SLIT2: variants seen among roughly 807,000 people sequenced by gnomAD.
The protein encoded by SLIT2 is slit guidance ligand 2.
In SLIT2, 41 loss-of-function variants were observed where a neutral mutation model predicts 185.7. The ratio of observed to expected loss-of-function variants is 0.22; its 90% confidence interval spans 0.17 to 0.29. The LOEUF (loss-of-function observed/expected upper bound fraction) is 0.29. Ranked by LOEUF, SLIT2 falls within the 10% of genes least tolerant of loss-of-function variation. SLIT2 has a pLI of 1.00. For synonymous variants in SLIT2, 693 were observed against 680.2 expected, an observed-to-expected ratio of 1.02 and a Z score of -0.29; for missense variants, 1,571 against 1,909.0, an observed-to-expected ratio of 0.82 and a Z score of 3.30.
intron 4 of SLIT2, among the ~76,000 whole-genome samples, chr4:20,441,519 G>GTC (rs376556054): frequency 0.033 from 3,593 of 107,944 alleles, 65 homozygotes; most frequent in Middle Eastern, 0.061. Flanking sequence ...CCCCACTTCT[G>GTC]TCTCTCTCTC....
chr4:20,581,214 C>T (rs1055767947), intron 29 of SLIT2, among the ~76,000 whole-genome samples: 3 of 152,130 alleles, frequency 2.0e-5, no homozygotes, highest in African/African-American at 7.2e-5. Flanking sequence ...TTGGCTTCTC[C>T]CTGTTTTTCA....
At chr4:20,355,484 A>T (rs1285004091) in intron 4 of SLIT2, among the ~76,000 whole-genome samples, 4 of 152,144 alleles carry the variant, frequency 2.6e-5, no homozygotes, top group African/African-American at 9.7e-5. Flanking sequence ...TATTCTCCTT[A>T]TTGTTTTCCA....
chr4:20,309,997 G>A (rs376513307), intron 4 of SLIT2, among the ~76,000 whole-genome samples: 57 of 152,024 alleles, frequency 3.7e-4, no homozygotes, highest in Middle Eastern at 3.4e-3. Flanking sequence ...TCCTGACCTC[G>A]TGATCTGCCC....
At position 20,472,540 on chromosome 4, in the gene SLIT2, C is replaced by CA. The variant is rs576120139; in HGVS notation, c.467+4717_467+4718insA. On this transcript the variant is annotated intron_variant, in intron 5 of 36. Coordinates refer to ENST00000504154, the MANE Select transcript of SLIT2 (RefSeq NM_004787.4). Reference sequence around the variant, plus strand: ...GATATATATCTATATATAGATATATCTATATCTATATATAGATATATATCT... The same window carrying CA: ...GATATATATCTATATATAGATATATCATATATCTATATATAGATATATATCT... Among the ~76,000 whole-genome samples, 4 of 9,494 alleles carry CA rather than the reference C, an allele frequency of 4.2e-4. 2 individuals carry two copies. Among genetic ancestry groups the CA allele is most frequent in the African/African-American group, 2.7e-3 (4 of 1,492 alleles). The allele number at this position is 9,494 out of a possible 152,430, so 6.2% of individuals were successfully genotyped here.
chr4:20,554,375 C>G, intron 26 of SLIT2: 1 of 458,742 alleles, frequency 2.2e-6, no homozygotes, highest in South Asian at 1.5e-5. Context: ...GTGTTCAGCC[C>G]AAACCTTCTG....
intron 34 of SLIT2, among the ~76,000 whole-genome samples, chr4:20,613,872 A>AT (rs1387991748): frequency 1.3e-5 from 2 of 151,732 alleles, no homozygotes; most frequent in Admixed American, 6.6e-5. Context: ...ACTTGACACA[A>AT]TTTTTTTTGT....
intron 4 of SLIT2, among the ~76,000 whole-genome samples, chr4:20,332,039 G>A (rs1720105822): frequency 6.6e-6 from 1 of 152,066 alleles, no homozygotes; most frequent in Non-Finnish European, 1.5e-5. Context: ...TGATCATTTG[G>A]GTTGTTTCCT....
Position 20,549,710 on chromosome 4 carries a change from C to T in SLIT2, c.2489+582C>T, listed in dbSNP as rs150740174. On this transcript the variant is annotated intron_variant, in intron 24 of 36. Transcript: ENST00000504154. ...ATTGTCTATTTTTGTTTAACATATG[C>T]TTTTGAATATTTCAAGTCTATCATA... Among the ~76,000 whole-genome samples the T allele has an allele frequency of 2.8e-3, 428 of 151,406 alleles. 10 individuals are homozygous for T. In the South Asian group the frequency reaches 0.06, roughly 21 times the overall value.
intron 9 of SLIT2, among the ~76,000 whole-genome samples, chr4:20,492,992 A>G (rs1330317171): frequency 1.3e-5 from 2 of 152,342 alleles, no homozygotes; most frequent in East Asian, 3.9e-4. Context: ...TGAATAACAT[A>G]TAAACATAAT....
At chr4:20,324,736 A>T (rs1020743838) in intron 4 of SLIT2, among the ~76,000 whole-genome samples, 2 of 152,188 alleles carry the variant, frequency 1.3e-5, no homozygotes, top group Non-Finnish European at 2.9e-5. Context: ...CATGTTGTAA[A>T]TGATAAACAT....
chr4:20,419,965 A>G (rs1331672724), intron 4 of SLIT2, among the ~76,000 whole-genome samples: 2 of 152,134 alleles, frequency 1.3e-5, no homozygotes, highest in African/African-American at 4.8e-5. Flanking sequence ...GAACATTAAC[A>G]TGGCTCATGC....
intron 16 of SLIT2, 73 bp from the exon 17 acceptor site, chr4:20,531,911 T>C (rs1721843243): frequency 1.3e-6 from 1 of 791,516 alleles, no homozygotes; most frequent in Non-Finnish European, 2.0e-6. Context: ...TTAGAATTCA[T>C]TTTGAGAAAT....
chr4:20,382,927 T>G (rs560693218), intron 4 of SLIT2, among the ~76,000 whole-genome samples: 5 of 152,244 alleles, frequency 3.3e-5, no homozygotes, highest in African/African-American at 1.2e-4. Flanking sequence ...CTCTACACAG[T>G]GTGGCTCTGG....
intron 3 of SLIT2, among the ~76,000 whole-genome samples, chr4:20,261,219 C>T (rs1366543611): frequency 6.6e-6 from 1 of 151,714 alleles, no homozygotes; most frequent in African/African-American, 2.4e-5. Context: ...TAGCAGGTCT[C>T]CTGTTGTTTA....
At chr4:20,499,312 C>A (rs1241457981) in intron 9 of SLIT2, among the ~76,000 whole-genome samples, 1 of 152,018 alleles carries the variant, frequency 6.6e-6, no homozygotes, top group African/African-American at 2.4e-5. Context: ...GTTGCAAATA[C>A]AATTTTAAAA....
rs186687911 is a variant in SLIT2 at position 20,572,569 on chromosome 4, A to G, written c.3088+3565A>G. On this transcript the variant is annotated intron_variant, in intron 29 of 36. Transcript: ENST00000504154. Reference sequence around the variant, plus strand: ...ATAACATAAACCTAACACCTATGCAAATAAAAACTATAAATGTGGCACCCC... The same window carrying G: ...ATAACATAAACCTAACACCTATGCAGATAAAAACTATAAATGTGGCACCCC... 2.5e-3 allele frequency among the ~76,000 whole-genome samples: 374 copies of G among 152,310 alleles called. 3 individuals carry two copies. The highest frequency in any genetic ancestry group is 8.5e-3 in the African/African-American group (353 of 41,576).
intron 4 of SLIT2, among the ~76,000 whole-genome samples, chr4:20,340,465 C>T (rs749081569): frequency 5.3e-5 from 8 of 152,078 alleles, no homozygotes; most frequent in African/African-American, 1.9e-4. Context: ...TTATTAAAAA[C>T]CTTGTAGTGC....
At chr4:20,374,417 T>C (rs191019634) in intron 4 of SLIT2, among the ~76,000 whole-genome samples, 1 of 152,264 alleles carries the variant, frequency 6.6e-6, no homozygotes, top group East Asian at 1.9e-4. Flanking sequence ...TTACTGCTTT[T>C]TGTGTTTGGA....
At chr4:20,450,760 T>G (rs957578200) in intron 4 of SLIT2, among the ~76,000 whole-genome samples, 3 of 152,214 alleles carry the variant, frequency 2.0e-5, no homozygotes, top group African/African-American at 7.2e-5. Context: ...TTAGGTGTAT[T>G]TGGAAAAGCC....
Sources: allele counts gnomAD v4.1 joint callset (sites outside exome capture counted in the v4.1 genomes callset), GRCh38; gene constraint gnomAD v4.1.1; transcripts MANE v1.5; gene names NCBI Gene and HGNC (gene_info 2026-07-23, HGNC 2026-07-21).